ABRA: variants seen among roughly 807,000 people sequenced by gnomAD.
ABRA encodes actin binding Rho activating protein, also known as actin-binding Rho-activating protein.
ABRA carries 25 observed loss-of-function variants against 33.4 expected under a neutral mutation model. The observed-to-expected ratio is 0.75, with a 90% confidence interval of 0.55 to 1.04. The LOEUF is 1.04. Among genes scored for constraint, ABRA ranks in the 50% least tolerant of loss-of-function variants. The probability of loss-of-function intolerance (pLI) is 0.00; values close to 1 mark genes in which losing one functional copy is unlikely to be tolerated. For missense variants in ABRA, 501 were observed against 491.7 expected, an observed-to-expected ratio of 1.02 and a Z score of -0.18; for synonymous variants, 193 against 176.8, an observed-to-expected ratio of 1.09 and a Z score of -0.73.
At position 106,761,433 on chromosome 8, in the gene ABRA, C is replaced by T. The variant is rs376090533; in HGVS notation, c.750G>A (p.Gln250=). ...SPVGNLKGRW[Q]QWADEHIQSQ... ...ATTGTATGTGTTCATCAGCCCACTG[C>T]TGCCATCTCCCTTTCAAGTTGCCCA... The change falls in exon 2 of 2, where the codon CAG becomes CAA. Residue 250 remains glutamine, a synonymous_variant. Transcript: ENST00000311955. 18 of 1,614,052 alleles carry T rather than the reference C, an allele frequency of 1.1e-5. No individual in the cohort carries two copies. In the Admixed American group the frequency reaches 3.0e-4, roughly 27 times the overall value.
rs750586739 is a variant in ABRA at position 106,761,351 on chromosome 8, G to T, written c.832C>A (p.Arg278Ser). The T allele has an allele frequency of 6.2e-7, 1 of 1,614,110 alleles. No individual in the cohort carries two copies. The highest frequency in any genetic ancestry group is 2.2e-5 in the East Asian group (1 of 44,868). The change falls in exon 2 of 2, where the codon CGC (arginine) becomes AGC (serine). Residue 278 changes from arginine (R) to serine (S), a missense_variant. Physicochemically the swap from Arg to Ser is moderately radical, Grantham distance 110. Transcript: ENST00000311955. ...EFDYELAMSTRLHKGDEGYGR... is the reference protein window; with the variant it reads ...EFDYELAMSTSLHKGDEGYGR... ...TAGCCCTCATCTCCTTTGTGTAGGC[G>T]GGTGGACATGGCCAGCTCGTAATCA...
chr8:106,761,203 C>T lies in ABRA; in HGVS notation c.980G>A (p.Gly327Asp). 3 of 1,614,224 alleles carry T rather than the reference C, an allele frequency of 1.9e-6. No individual in the cohort carries two copies. The highest frequency in any genetic ancestry group is 2.5e-6 in the Non-Finnish European group (3 of 1,180,042). Residue 327 changes from glycine (G) to aspartate (D), a missense_variant, in exon 2 of 2, where the codon GGC becomes GAC. Transcript: ENST00000311955. ...ATCTCCAAAAGTAACCTGGATCTTG[C>T]CATCTCGTCTGTGGCGAGCCATTGT... ...ICTMARHRRD[G>D]KIQVTFGDLF...
rs754271200 is a variant in ABRA at position 106,761,454 on chromosome 8, GC to G, written c.728del (p.Gly243AlafsTer3). The G allele has an allele frequency of 1.9e-6, 3 of 1,614,168 alleles. No homozygotes were observed. The highest frequency in any genetic ancestry group is 1.7e-4 in the Middle Eastern group (1 of 6,060). ...ACTGCTGCCATCTCCCTTTCAAGTT[GC>G]CCACTGGGCTATATTTCTGTTGGGC... ...CKAQQKYSPV[G>X]NLKGRWQQWA... On this transcript the variant is annotated frameshift_variant, in exon 2 of 2. Coordinates refer to ENST00000311955, the MANE Select transcript of ABRA (RefSeq NM_139166.5). LOFTEE classifies it high-confidence loss of function.
chr8:106,759,817 T>C lies in ABRA; in HGVS notation c.*1220A>G, dbSNP rs997854805. ...ATTTTAGTAATTTCATTGAATCCAGTAAGAATTGCAATCTCACATTCCATT... is the reference window on the plus strand; with the variant it reads ...ATTTTAGTAATTTCATTGAATCCAGCAAGAATTGCAATCTCACATTCCATT... On this transcript the variant is annotated 3_prime_UTR_variant, in exon 2 of 2. Coordinates refer to ENST00000311955, the MANE Select transcript of ABRA (RefSeq NM_139166.5). 1.3e-5 allele frequency: 2 copies of C among 152,210 alleles called. No individual in the cohort carries two copies. Among genetic ancestry groups the C allele is most frequent in the Admixed American group, 6.5e-5 (1 of 15,278 alleles). 9.4% of individuals were successfully genotyped at this position (152,210 alleles called of 1,614,324 possible). A position where few individuals can be genotyped will look rare whatever the true frequency, so the allele number is the denominator to read the frequency against.
In ABRA at chr8:106,760,932, A is replaced by G; in HGVS notation, c.*105T>C. 1 of 1,039,576 alleles carries G rather than the reference A, an allele frequency of 9.6e-7. No individual in the cohort carries two copies. The highest frequency in any genetic ancestry group is 1.6e-5 in the African/African-American group (1 of 62,540). The allele number at this position is 1,039,576 out of a possible 1,614,324, so 64.4% of individuals were successfully genotyped here. On this transcript the variant is annotated 3_prime_UTR_variant, in exon 2 of 2. Transcript: ENST00000311955. ...AAAGTCGTTTATGTAAAAATTGTTT[A>G]ATATTTACTAACTTATTACAGAGAG...
At position 106,760,537 on chromosome 8, in the gene ABRA, T is replaced by C. The variant is rs1836119548; in HGVS notation, c.*500A>G. On this transcript the variant is annotated 3_prime_UTR_variant, in exon 2 of 2. Coordinates refer to ENST00000311955, the MANE Select transcript of ABRA (RefSeq NM_139166.5). The stretch of plus-strand genomic sequence containing the variant: ...CCAAATAAAGACACATTATTATATG[T>C]TCTACTGATATTTATCTCAAGTCAG... The C allele has an allele frequency of 6.7e-6, 1 of 149,754 alleles. No individual in the cohort carries two copies. The highest frequency in any genetic ancestry group is 6.6e-5 in the Admixed American group (1 of 15,136). The allele number at this position is 149,754 out of a possible 1,614,324, so 9.3% of individuals were successfully genotyped here.
intron 1 of ABRA, among the ~76,000 whole-genome samples, chr8:106,763,711 C>T (rs1376253007): frequency 6.6e-6 from 1 of 152,204 alleles, no homozygotes; most frequent in African/African-American, 2.4e-5. Context: ...GCATAAATTT[C>T]ATGCCAGACT....
chr8:106,763,379 G>C (rs1362682501), intron 1 of ABRA, among the ~76,000 whole-genome samples: 1 of 152,160 alleles, frequency 6.6e-6, no homozygotes, highest in Non-Finnish European at 1.5e-5. Flanking sequence ...GGATAACAGT[G>C]TATGACAAAG....
rs761265979 is a variant in ABRA at position 106,761,073 on chromosome 8, G to A, written c.1110C>T (p.Gly370=). ...VDFEGEMLWQ[G]RDDHVVITLL... Reference sequence around the variant, plus strand: ...GCGTAATCACAACATGGTCATCTCGGCCTTGCCATAGCATCTCTCCTTCAA... The same window carrying A: ...GCGTAATCACAACATGGTCATCTCGACCTTGCCATAGCATCTCTCCTTCAA... The change falls in exon 2 of 2, where the codon GGC becomes GGT. Residue 370 remains glycine, a synonymous_variant. Transcript: ENST00000311955. The A allele has an allele frequency of 4.3e-6, 7 of 1,614,006 alleles. No homozygotes were observed. The African/African-American group carries it at 9.3e-5, about 22-fold the overall frequency.
Position 106,761,328 on chromosome 8 carries a change from G to A in ABRA, c.855C>T (p.Gly285=). ...TGGTTCCTTCTTTGGGGCGGCCATA[G>A]CCCTCATCTCCTTTGTGTAGGCGGG... ...MSTRLHKGDE[G]YGRPKEGTKT... is the part of the protein sequence containing the mutation. Residue 285 remains glycine (G), a synonymous_variant, in exon 2 of 2, where the codon GGC becomes GGT. Transcript: ENST00000311955. 6.2e-7 allele frequency: 1 copy of A among 1,614,188 alleles called. No homozygotes were observed. The highest frequency in any genetic ancestry group is 8.5e-7 in the Non-Finnish European group (1 of 1,180,040).
At chr8:106,762,581 C>T (rs1836153516) in intron 1 of ABRA, among the ~76,000 whole-genome samples, 1 of 152,078 alleles carries the variant, frequency 6.6e-6, no homozygotes, top group Admixed American at 6.5e-5. Context: ...CCAAACACCA[C>T]ATGTTCTCAC....
chr8:106,767,813 C>T (rs1433988901), intron 1 of ABRA, among the ~76,000 whole-genome samples: 1 of 152,130 alleles, frequency 6.6e-6, no homozygotes, highest in Non-Finnish European at 1.5e-5. Context: ...TAAGACAGCT[C>T]TTTAGGCCGC....
At chr8:106,766,658 C>G (rs1435041400) in intron 1 of ABRA, among the ~76,000 whole-genome samples, 2 of 151,892 alleles carry the variant, frequency 1.3e-5, no homozygotes, top group African/African-American at 4.8e-5. Context: ...GGGAAAGGAA[C>G]CAAAAAAGGA....
At chr8:106,765,773 C>T (rs958413193) in intron 1 of ABRA, among the ~76,000 whole-genome samples, 15 of 152,272 alleles carry the variant, frequency 9.9e-5, no homozygotes, top group African/African-American at 3.1e-4. Flanking sequence ...GAATTGGGCA[C>T]AGGCAGAAGG....
intron 1 of ABRA, among the ~76,000 whole-genome samples, chr8:106,765,882 A>ACAT (rs1229471418): frequency 6.6e-5 from 10 of 152,208 alleles, no homozygotes; most frequent in Admixed American, 3.3e-4. Flanking sequence ...AATTAAGCCC[A>ACAT]CATTTTGATC....
chr8:106,768,223 T>C lies in ABRA; in HGVS notation c.668+1300A>G, dbSNP rs77905470. Among the ~76,000 whole-genome samples, 419 of 152,332 alleles carry C rather than the reference T, an allele frequency of 2.8e-3. 2 individuals carry two copies. Among genetic ancestry groups the C allele is most frequent in the African/African-American group, 9.6e-3 (398 of 41,570 alleles). Reference sequence around the variant, plus strand: ...ACTGTCCCCAAAGGGAGTCAGTCTATAAATGTAATGACATCAGACATTTTT... The same window carrying C: ...ACTGTCCCCAAAGGGAGTCAGTCTACAAATGTAATGACATCAGACATTTTT... On this transcript the variant is annotated intron_variant, in intron 1 of 1. Coordinates refer to ENST00000311955, the MANE Select transcript of ABRA (RefSeq NM_139166.5).
chr8:106,765,322 C>G (rs932100412), intron 1 of ABRA, among the ~76,000 whole-genome samples: 2 of 152,168 alleles, frequency 1.3e-5, no homozygotes, highest in African/African-American at 4.8e-5. Flanking sequence ...ACTTGAATCA[C>G]CAGCTTCAAA....
rs1454923475 is a variant in ABRA, at chr8:106,760,765, CAAAACA to C, written c.*266_*271del. ...TTGGTGACATAAAGAGAATCTGTCT[CAAAACA>C]AAAACAAAAACACCCTGTGGAATTT... On this transcript the variant is annotated 3_prime_UTR_variant, in exon 2 of 2. Transcript: ENST00000311955. 2.6e-6 allele frequency: 1 copy of C among 385,962 alleles called. No individual in the cohort carries two copies. Among genetic ancestry groups the C allele is most frequent in the Non-Finnish European group, 4.7e-6 (1 of 214,840 alleles). The allele number at this position is 385,962 out of a possible 1,614,324, so 23.9% of individuals were successfully genotyped here.
chr8:106,762,579 C>G (rs573991315), intron 1 of ABRA, among the ~76,000 whole-genome samples: 2 of 152,170 alleles, frequency 1.3e-5, no homozygotes, highest in Admixed American at 6.5e-5. Flanking sequence ...AACCAAACAC[C>G]ACATGTTCTC....
Sources: allele counts gnomAD v4.1 joint callset (sites outside exome capture counted in the v4.1 genomes callset), GRCh38; gene constraint gnomAD v4.1.1; transcripts MANE v1.5; gene names NCBI Gene and HGNC (gene_info 2026-07-23, HGNC 2026-07-21).